IMMP2L: variants seen among roughly 807,000 people sequenced by gnomAD.
IMMP2L encodes the protein mitochondrial inner membrane protease subunit 2.
In IMMP2L, 18 loss-of-function variants were observed where a neutral mutation model predicts 19.3. That is an observed-to-expected ratio of 0.93 (90% CI 0.64 to 1.38). The LOEUF is 1.38. IMMP2L is among the 40% of genes most tolerant of loss of function. The probability of loss-of-function intolerance (pLI) is 0.00; values close to 1 mark genes in which losing one functional copy is unlikely to be tolerated. For missense variants in IMMP2L, 233 were observed against 218.2 expected (o/e 1.07, Z -0.43); for synonymous variants, 76 against 73.0 (o/e 1.04, Z -0.21).
At chr7:111,132,449 G>A (rs1405862571) in intron 3 of IMMP2L, among the ~76,000 whole-genome samples, 1 of 151,990 alleles carries the variant, frequency 6.6e-6, no homozygotes, top group African/African-American at 2.4e-5. Flanking sequence ...CATAAAAAGT[G>A]AAGTTTGAGA....
chr7:110,669,108 T>TATAGAGAGAG (rs1554389234), intron 5 of IMMP2L, among the ~76,000 whole-genome samples: 1 of 142,016 alleles, frequency 7.0e-6, no homozygotes, highest in African/African-American at 2.6e-5. Flanking sequence ...TATATATATA[T>TATAGAGAGAG]AGAGAGAGAG....
chr7:111,439,268 C>T (rs1837485662), intron 3 of IMMP2L, among the ~76,000 whole-genome samples: 1 of 151,790 alleles, frequency 6.6e-6, no homozygotes, highest in Admixed American at 6.6e-5. Flanking sequence ...CTCTACTCCA[C>T]AATTCTAGTG....
chr7:111,283,966 G>A (rs1355233785), intron 3 of IMMP2L, among the ~76,000 whole-genome samples: 4 of 102,424 alleles, frequency 3.9e-5, no homozygotes, highest in African/African-American at 8.9e-5. Context: ...GCGAGACTCC[G>A]TCTCAAAAAA....
intron 1 of IMMP2L, among the ~76,000 whole-genome samples, chr7:111,551,484 T>C (rs1849447142): frequency 7.3e-6 from 1 of 136,860 alleles, no homozygotes; most frequent in African/African-American, 2.7e-5. Flanking sequence ...ATGTTAGGTA[T>C]GACTGTTAGA....
intron 5 of IMMP2L, among the ~76,000 whole-genome samples, chr7:110,806,314 T>C (rs551456347): frequency 6.6e-6 from 1 of 151,886 alleles, no homozygotes; most frequent in South Asian, 2.1e-4. Context: ...AATTTTTCAA[T>C]ATGTTCAATG....
chr7:111,238,568 T>C (rs1456695580), intron 3 of IMMP2L, among the ~76,000 whole-genome samples: 1 of 151,896 alleles, frequency 6.6e-6, no homozygotes, highest in African/African-American at 2.4e-5. Context: ...GTCAATTTAA[T>C]ATAATTCTGT....
intron 1 of IMMP2L, among the ~76,000 whole-genome samples, chr7:111,550,690 G>T (rs1300679918): frequency 6.6e-6 from 1 of 152,060 alleles, no homozygotes; most frequent in Non-Finnish European, 1.5e-5. Context: ...TACTTCACAG[G>T]TCCTCTGTTA....
intron 3 of IMMP2L, among the ~76,000 whole-genome samples, chr7:111,185,930 A>G (rs1403709202): frequency 6.6e-6 from 1 of 152,168 alleles, no homozygotes; most frequent in Non-Finnish European, 1.5e-5. Context: ...ATTGTTTTAC[A>G]TATCTTGAAA....
At chr7:111,535,554 C>G (rs145049718) in intron 1 of IMMP2L, among the ~76,000 whole-genome samples, 15 of 152,070 alleles carry the variant, frequency 9.9e-5, no homozygotes, top group Admixed American at 9.8e-4. Flanking sequence ...ATTAAACAGT[C>G]ATCAACTATG....
chr7:111,163,194 T>C (rs1805455578), intron 3 of IMMP2L, among the ~76,000 whole-genome samples: 1 of 152,006 alleles, frequency 6.6e-6, no homozygotes, highest in Non-Finnish European at 1.5e-5. Context: ...AGGCCCAACT[T>C]CGAGTGGGCA....
intron 4 of IMMP2L, among the ~76,000 whole-genome samples, chr7:110,932,899 T>C (rs111286040): frequency 6.6e-6 from 1 of 152,162 alleles, no homozygotes; most frequent in Non-Finnish European, 1.5e-5. Flanking sequence ...GCGAGCATGA[T>C]ATATGACCAT....
chr7:111,350,116 C>T (rs544516506), intron 3 of IMMP2L, among the ~76,000 whole-genome samples: 18 of 151,740 alleles, frequency 1.2e-4, no homozygotes, highest in Non-Finnish European at 2.1e-4. Context: ...TACACGTGCA[C>T]GCCACCATGC....
At chr7:110,973,417 C>T (rs1820358503) in intron 3 of IMMP2L, among the ~76,000 whole-genome samples, 1 of 152,060 alleles carries the variant, frequency 6.6e-6, no homozygotes. Context: ...ACCTGTGATG[C>T]ATCCTTTCAA....
intron 2 of IMMP2L, among the ~76,000 whole-genome samples, chr7:111,496,352 T>C (rs1272017434): frequency 2.0e-5 from 3 of 152,178 alleles, no homozygotes; most frequent in Non-Finnish European, 4.4e-5. Context: ...TGGGTACTTA[T>C]TACCCATACC....
chr7:111,355,036 C>T (rs77413787), intron 3 of IMMP2L, among the ~76,000 whole-genome samples: 6,974 of 151,832 alleles, frequency 0.046, 219 homozygotes, highest in South Asian at 0.081. Flanking sequence ...ACTGGGGAAA[C>T]GTACTAATGA....
chr7:110,963,185 C>A, intron 4 of IMMP2L: 1 of 931,906 alleles, frequency 1.1e-6, no homozygotes. Flanking sequence ...ACATCATAAT[C>A]TTAATCTTAA....
chr7:110,818,341 CA>C (rs773444203), intron 5 of IMMP2L, among the ~76,000 whole-genome samples: 2 of 152,296 alleles, frequency 1.3e-5, no homozygotes, highest in Admixed American at 6.5e-5. Context: ...GACATTTATG[CA>C]GCCAACAGAC....
intron 3 of IMMP2L, among the ~76,000 whole-genome samples, chr7:111,227,233 C>A (rs1292898206): frequency 6.6e-6 from 1 of 152,066 alleles, no homozygotes; most frequent in African/African-American, 2.4e-5. Flanking sequence ...TTTACACCCA[C>A]ACACATTTCT....
intron 3 of IMMP2L, among the ~76,000 whole-genome samples, chr7:111,175,303 T>A (rs1170834001): frequency 1.3e-5 from 2 of 151,886 alleles, no homozygotes; most frequent in Non-Finnish European, 2.9e-5. Flanking sequence ...AGTACCTCCA[T>A]CATTCCTAAC....
Sources: gnomAD v4.1 joint callset for allele counts (sites outside exome capture counted in the v4.1 genomes callset) on GRCh38, gnomAD v4.1.1 for gene constraint, MANE v1.5 for transcripts, NCBI Gene and HGNC (gene_info 2026-07-23, HGNC 2026-07-21) for gene names.